Variants in ITPR2 observed in about 807,000 individuals in gnomAD.
The protein encoded by ITPR2 is inositol 1,4,5-trisphosphate-gated calcium channel ITPR2.
Under a neutral mutation model 317.1 loss-of-function variants are expected in ITPR2, and 207 were observed. The ratio of observed to expected loss-of-function variants is 0.65; its 90% confidence interval spans 0.58 to 0.73. The LOEUF (loss-of-function observed/expected upper bound fraction) is 0.73. Ranked by LOEUF, ITPR2 falls within the 30% of genes least tolerant of loss-of-function variation. The pLI, the probability that ITPR2 is intolerant of heterozygous loss-of-function variation, is 0.00. For synonymous variants in ITPR2, 1,156 were observed against 1,149.1 expected (o/e 1.01, Z -0.12); for missense variants, 2,613 against 3,284.0 (o/e 0.80, Z 4.99).
intron 54 of ITPR2, among the ~76,000 whole-genome samples, chr12:26,391,193 A>C (rs1040099432): frequency 6.6e-6 from 1 of 152,252 alleles, no homozygotes; most frequent in African/African-American, 2.4e-5. Context: ...ATATGCTATT[A>C]TAATTACAAT....
At chr12:26,617,696 G>A (rs541705025) in intron 26 of ITPR2, among the ~76,000 whole-genome samples, 4 of 134,314 alleles carry the variant, frequency 3.0e-5, no homozygotes, top group South Asian at 5.4e-4. Flanking sequence ...AGGAGGGAAG[G>A]AAGGAGAGAA....
intron 26 of ITPR2, among the ~76,000 whole-genome samples, chr12:26,615,920 A>G (rs1946362953): frequency 6.6e-6 from 1 of 152,102 alleles, no homozygotes; most frequent in South Asian, 2.1e-4. Flanking sequence ...CCAGTCATCT[A>G]TTAAGAATCC....
Position 26,504,286 on chromosome 12 carries a change from A to T in ITPR2, c.5074-9026T>A, listed in dbSNP as rs545059301. Reference sequence around the variant, plus strand: ...GTGGAAAGGCTGTGCTTCCTAACACATATCCATATGTCTCTCCATATCCAC... The same window carrying T: ...GTGGAAAGGCTGTGCTTCCTAACACTTATCCATATGTCTCTCCATATCCAC... On this transcript the variant is annotated intron_variant, in intron 37 of 56. Transcript: ENST00000381340. Among the ~76,000 whole-genome samples the T allele has an allele frequency of 3.3e-5, 5 of 152,342 alleles. No individual in the cohort carries two copies. The East Asian group carries it at 7.7e-4, about 23-fold the overall frequency.
At position 26,654,110 on chromosome 12, in the gene ITPR2, C is replaced by T. The variant is rs755838267; in HGVS notation, c.2606G>A (p.Arg869Gln). 9 of 1,470,544 alleles carry T rather than the reference C, an allele frequency of 6.1e-6. No homozygotes were observed. The highest frequency in any genetic ancestry group is 2.4e-5 in the Admixed American group (1 of 41,284). 91.1% of individuals were successfully genotyped at this position (1,470,544 alleles called of 1,614,324 possible). Residue 869 changes from arginine (R) to glutamine (Q), a missense_variant, in exon 21 of 57, where the codon CGG (arginine) becomes CAG (glutamine). By Grantham distance (43) the Arg-to-Gln change is conservative (BLOSUM62 1). Coordinates refer to ENST00000381340, the MANE Select transcript of ITPR2 (RefSeq NM_002223.4). The part of the protein sequence containing the change: ...KLTFEVVHLA[R>Q]NLIYFGFYSF... ...ATAAAATCCAAAGTATATAAGATTC[C>T]GAGCCAAGTGGACCACCTTAATAAA... is the stretch of plus-strand genomic sequence containing the variant.
chr12:26,374,640 T>C (rs1208034694), intron 55 of ITPR2, among the ~76,000 whole-genome samples: 1 of 152,186 alleles, frequency 6.6e-6, no homozygotes, highest in Non-Finnish European at 1.5e-5. Context: ...CCAGACACCA[T>C]GTTAGGTGCT....
chr12:26,362,570 G>T (rs1938869095), intron 55 of ITPR2, among the ~76,000 whole-genome samples: 1 of 152,126 alleles, frequency 6.6e-6, no homozygotes, highest in Admixed American at 6.5e-5. Flanking sequence ...ATTACTTACA[G>T]TCATATTTTT....
chr12:26,670,330 CG>C (rs1947736066), intron 13 of ITPR2, among the ~76,000 whole-genome samples: 1 of 152,092 alleles, frequency 6.6e-6, no homozygotes, highest in Non-Finnish European at 1.5e-5. Context: ...TTCACACGGC[CG>C]GGTACTCCTC....
intron 13 of ITPR2, among the ~76,000 whole-genome samples, chr12:26,671,783 G>T (rs1480821104): frequency 6.6e-6 from 1 of 152,208 alleles, no homozygotes; most frequent in African/African-American, 2.4e-5. Flanking sequence ...AGACTCATCA[G>T]TGTGCTGTAT....
chr12:26,669,377 A>G (rs995141756), intron 13 of ITPR2, among the ~76,000 whole-genome samples: 2 of 152,170 alleles, frequency 1.3e-5, no homozygotes, highest in Non-Finnish European at 2.9e-5. Context: ...CAAAGAAGCA[A>G]TATTTGCAGG....
At chr12:26,613,438 G>T (rs141155266) in intron 26 of ITPR2, among the ~76,000 whole-genome samples, 11 of 152,102 alleles carry the variant, frequency 7.2e-5, no homozygotes, top group Non-Finnish European at 1.5e-4. Context: ...TAGTAGCAAG[G>T]CCAGAAACCC....
At chr12:26,706,857 C>T (rs1026335392) in intron 9 of ITPR2, among the ~76,000 whole-genome samples, 1 of 152,184 alleles carries the variant, frequency 6.6e-6, no homozygotes, top group Admixed American at 6.5e-5. Context: ...CCTTTCACAA[C>T]ACCTTCCTTG....
At chr12:26,531,508 G>A (rs752829465) in intron 37 of ITPR2, among the ~76,000 whole-genome samples, 1 of 152,142 alleles carries the variant, frequency 6.6e-6, no homozygotes, top group Non-Finnish European at 1.5e-5. Context: ...CCCATCTAAA[G>A]CAATGCTCTG....
intron 29 of ITPR2, 91 bp downstream of exon 29, chr12:26,599,896 G>A (rs1945952810): frequency 1.1e-6 from 1 of 899,448 alleles, no homozygotes; most frequent in African/African-American, 1.7e-5. Context: ...AATGAAGCAA[G>A]GAAGTGTAAC....
chr12:26,746,110 G>T (rs1173172548), intron 2 of ITPR2, among the ~76,000 whole-genome samples: 1 of 151,882 alleles, frequency 6.6e-6, no homozygotes, highest in East Asian at 1.9e-4. Context: ...AAGAATAGGG[G>T]TTGGAGGCAC....
At chr12:26,676,030 C>G (rs1947899662) in intron 13 of ITPR2, among the ~76,000 whole-genome samples, 1 of 152,002 alleles carries the variant, frequency 6.6e-6, no homozygotes, top group Non-Finnish European at 1.5e-5. Flanking sequence ...TGGTGGCACA[C>G]ACCTGTAATC....
chr12:26,633,868 C>A (rs1017660058), intron 21 of ITPR2, among the ~76,000 whole-genome samples: 11 of 152,212 alleles, frequency 7.2e-5, no homozygotes, highest in Admixed American at 2.0e-4. Context: ...CTGATTCACA[C>A]ACAAATCCTT....
intron 26 of ITPR2, among the ~76,000 whole-genome samples, chr12:26,619,688 C>G (rs1946451893): frequency 6.6e-6 from 1 of 152,082 alleles, no homozygotes; most frequent in Admixed American, 6.6e-5. Context: ...GCCAGCTGAT[C>G]CATGATGACA....
chr12:26,412,805 G>A (rs954613664), intron 51 of ITPR2, among the ~76,000 whole-genome samples: 2 of 152,118 alleles, frequency 1.3e-5, no homozygotes, highest in Non-Finnish European at 2.9e-5. Flanking sequence ...AGGCGCAGAG[G>A]CCAATGAAGG....
At chr12:26,645,689 T>G (rs1341811790) in intron 21 of ITPR2, among the ~76,000 whole-genome samples, 2 of 152,230 alleles carry the variant, frequency 1.3e-5, no homozygotes, top group Non-Finnish European at 2.9e-5. Flanking sequence ...TCCCTTTGCA[T>G]GTAAACTTTG....
Sources: gnomAD v4.1 joint callset for allele counts (sites outside exome capture counted in the v4.1 genomes callset) on GRCh38, gnomAD v4.1.1 for gene constraint, MANE v1.5 for transcripts, NCBI Gene and HGNC (gene_info 2026-07-23, HGNC 2026-07-21) for gene names.